Variants in SUCLG2 observed in about 807,000 individuals in gnomAD.
SUCLG2 encodes succinate--CoA ligase [GDP-forming] subunit beta, mitochondrial.
Under a neutral mutation model 47.9 loss-of-function variants are expected in SUCLG2, and 42 were observed. That is an observed-to-expected ratio of 0.88 (90% CI 0.69 to 1.14). SUCLG2 has a LOEUF of 1.14. SUCLG2 is among the 50% of genes most tolerant of loss of function. SUCLG2 has a pLI of 0.00. For missense variants in SUCLG2, 571 were observed against 525.9 expected (o/e 1.09, Z -0.84); for synonymous variants, 195 against 197.3 (o/e 0.99, Z 0.10).
intron 9 of SUCLG2, among the ~76,000 whole-genome samples, chr3:67,447,297 G>C (rs1339826022): frequency 6.6e-6 from 1 of 151,962 alleles, no homozygotes; most frequent in Non-Finnish European, 1.5e-5. Flanking sequence ...ACAATGAGAG[G>C]GAATGTCTTA....
intron 9 of SUCLG2, among the ~76,000 whole-genome samples, chr3:67,447,869 T>A (rs1233463724): frequency 6.6e-6 from 1 of 151,718 alleles, no homozygotes; most frequent in Non-Finnish European, 1.5e-5. Context: ...GCTGGGATTA[T>A]AGACATGTGC....
At chr3:67,559,634 A>G (rs917393486) in intron 2 of SUCLG2, among the ~76,000 whole-genome samples, 3 of 152,216 alleles carry the variant, frequency 2.0e-5, no homozygotes, top group African/African-American at 7.2e-5. Flanking sequence ...ACAGAGCCAG[A>G]CTACCATCTA....
intron 9 of SUCLG2, among the ~76,000 whole-genome samples, chr3:67,405,881 G>A (rs1337189170): frequency 3.9e-5 from 6 of 152,132 alleles, no homozygotes; most frequent in Non-Finnish European, 8.8e-5. Context: ...ATGTACTAAC[G>A]CATTTAACAC....
chr3:67,553,012 T>G (rs774964106), intron 2 of SUCLG2, among the ~76,000 whole-genome samples: 1 of 152,232 alleles, frequency 6.6e-6, no homozygotes, highest in African/African-American at 2.4e-5. Context: ...ATTATTGTCA[T>G]CAATTAATTG....
intron 2 of SUCLG2, among the ~76,000 whole-genome samples, chr3:67,576,043 C>A (rs184066050): frequency 2.0e-5 from 3 of 152,256 alleles, no homozygotes; most frequent in African/African-American, 4.8e-5. Flanking sequence ...ACAGCTGAGT[C>A]CTTTTTATCT....
intron 10 of SUCLG2, among the ~76,000 whole-genome samples, chr3:67,366,412 A>G (rs1173426476): frequency 6.6e-6 from 1 of 152,196 alleles, no homozygotes; most frequent in African/African-American, 2.4e-5. Flanking sequence ...AGTCCTGTCC[A>G]GTTCAAGTGA....
At chr3:67,567,462 G>C (rs932553953) in intron 2 of SUCLG2, among the ~76,000 whole-genome samples, 3 of 151,854 alleles carry the variant, frequency 2.0e-5, no homozygotes, top group African/African-American at 7.3e-5. Context: ...CACCTGGCTA[G>C]TTTTTTTCGT....
chr3:67,511,984 G>A (rs1705805432), intron 6 of SUCLG2, among the ~76,000 whole-genome samples: 1 of 150,764 alleles, frequency 6.6e-6, no homozygotes, highest in Admixed American at 6.6e-5. Flanking sequence ...TCAAATAGCT[G>A]GACTACAGGC....
chr3:67,413,834 T>C (rs1405917503), intron 9 of SUCLG2, among the ~76,000 whole-genome samples: 1 of 152,226 alleles, frequency 6.6e-6, no homozygotes. Flanking sequence ...CTCTCCTTTA[T>C]TCTCTGAAAT....
chr3:67,457,651 T>C (rs1238802762), intron 9 of SUCLG2, among the ~76,000 whole-genome samples: 2 of 149,970 alleles, frequency 1.3e-5, no homozygotes, highest in East Asian at 4.1e-4. Flanking sequence ...TTTCCATCTA[T>C]ATCTACTTAT....
chr3:67,505,146 A>C (rs1705601466), intron 7 of SUCLG2, among the ~76,000 whole-genome samples: 1 of 152,210 alleles, frequency 6.6e-6, no homozygotes, highest in Non-Finnish European at 1.5e-5. Flanking sequence ...AATCATTTGA[A>C]GGGATTTATG....
chr3:67,543,569 G>A lies in SUCLG2; in HGVS notation c.227-14383C>T, dbSNP rs146625789. Among the ~76,000 whole-genome samples the A allele has an allele frequency of 2.8e-3, 431 of 152,248 alleles. 8 individuals carry two copies. In the South Asian group the frequency reaches 0.054, roughly 19 times the overall value. ...AGTCCAAGCTACTCAGGAGGCTGAG[G>A]TGGGAGGATCCCTTGAGCCCAGGAG... On this transcript the variant is annotated intron_variant, in intron 2 of 10. Coordinates refer to ENST00000307227, the MANE Select transcript of SUCLG2 (RefSeq NM_003848.4).
At chr3:67,578,258 AAAATT>A (rs1397218168) in intron 2 of SUCLG2, among the ~76,000 whole-genome samples, 3,989 of 146,800 alleles carry the variant, frequency 0.027, 160 homozygotes, top group African/African-American at 0.09. Flanking sequence ...CATATATAAA[AAAATT>A]TTATATATAT....
At chr3:67,592,735 AAC>A (rs1491399225) in intron 2 of SUCLG2, among the ~76,000 whole-genome samples, 39 of 79,458 alleles carry the variant, frequency 4.9e-4, no homozygotes, top group African/African-American at 1.5e-3. Context: ...AAAAAAAAAA[AAC>A]AACAAAAAAA....
At chr3:67,513,779 T>C (rs948174251) in intron 6 of SUCLG2, among the ~76,000 whole-genome samples, 9 of 152,238 alleles carry the variant, frequency 5.9e-5, no homozygotes, top group Non-Finnish European at 1.2e-4. Context: ...AATTGTTATT[T>C]TGTCTGTTAA....
chr3:67,387,173 T>C (rs1322768602), intron 10 of SUCLG2, among the ~76,000 whole-genome samples: 4 of 152,168 alleles, frequency 2.6e-5, no homozygotes, highest in African/African-American at 7.2e-5. Context: ...ATGAATTAAA[T>C]CTTCTTAGAA....
At chr3:67,537,506 T>C (rs1196276770) in intron 2 of SUCLG2, among the ~76,000 whole-genome samples, 1 of 152,222 alleles carries the variant, frequency 6.6e-6, no homozygotes, top group Non-Finnish European at 1.5e-5. Context: ...TCTTTGCTAT[T>C]GTGCACAGTG....
chr3:67,507,772 C>T (rs1401918934), intron 7 of SUCLG2, among the ~76,000 whole-genome samples: 1 of 152,172 alleles, frequency 6.6e-6, no homozygotes, highest in Non-Finnish European at 1.5e-5. Flanking sequence ...GTTAACAATT[C>T]AATGCAAATT....
intron 2 of SUCLG2, among the ~76,000 whole-genome samples, chr3:67,564,558 A>G (rs1240376144): frequency 1.3e-5 from 2 of 152,280 alleles, no homozygotes; most frequent in Non-Finnish European, 2.9e-5. Context: ...CCCTGTCTTA[A>G]TCATCTGTGT....
Sources: allele counts gnomAD v4.1 joint callset (sites outside exome capture counted in the v4.1 genomes callset), GRCh38; gene constraint gnomAD v4.1.1; transcripts MANE v1.5; gene names NCBI Gene and HGNC (gene_info 2026-07-23, HGNC 2026-07-21).